Variants in NME7 observed in about 807,000 individuals in gnomAD.
NME7 encodes the protein nucleoside diphosphate kinase 7.
In NME7, 41 loss-of-function variants were observed where a neutral mutation model predicts 49.1. The ratio of observed to expected loss-of-function variants is 0.83; its 90% CI spans 0.65 to 1.08. The LOEUF is 1.08. NME7 is among the 50% of genes least tolerant of loss of function. NME7 has a pLI of 0.00. For missense variants in NME7, 423 were observed against 463.4 expected (o/e 0.91, Z 0.80); for synonymous variants, 139 against 150.6 (o/e 0.92, Z 0.56).
intron 1 of NME7, among the ~76,000 whole-genome samples, chr1:169,355,708 T>C (rs1418109709): frequency 1.3e-5 from 2 of 152,010 alleles, no homozygotes; most frequent in East Asian, 1.9e-4. Flanking sequence ...ATGTCAGCAA[T>C]GTAAGGAGGC....
chr1:169,247,157 A>G (rs1648358468), intron 7 of NME7: 1 of 450,968 alleles, frequency 2.2e-6, no homozygotes, highest in African/African-American at 2.0e-5. Flanking sequence ...ACAGTCTAAG[A>G]AAAACAAAAT....
At chr1:169,210,357 T>C (rs776365641) in intron 10 of NME7, among the ~76,000 whole-genome samples, 2 of 152,156 alleles carry the variant, frequency 1.3e-5, no homozygotes, top group Non-Finnish European at 2.9e-5. Flanking sequence ...GAAGCCTCCA[T>C]TCCAGAAATG....
rs1484177004 is a variant in NME7, at chr1:169,342,883, TATAC to T, written c.4-18387_4-18384del. On this transcript the variant is annotated intron_variant, in intron 1 of 11. Transcript: ENST00000367811. The stretch of plus-strand genomic sequence containing the variant: ...TATACAAGTACATATATATAGTATA[TATAC>T]ATATATACAAGTACATATATATAGT... Among the ~76,000 whole-genome samples the T allele has an allele frequency of 1.4e-3, 116 of 83,496 alleles. 9 individuals are homozygous for T. Among genetic ancestry groups the T allele is most frequent in the Admixed American group, 3.0e-3 (19 of 6,406 alleles). The allele number at this position is 83,496 out of a possible 152,430, so 54.8% of individuals were successfully genotyped here.
Position 169,274,179 on chromosome 1 carries a change from G to C in NME7, c.754+13124C>G, listed in dbSNP as rs370422134. ...CATTCTAACTGGTGTGAGATGGTAT[G>C]TCATTGTGGTTTTGATTTGCATTTC... is the stretch of plus-strand genomic sequence containing the variant. On this transcript the variant is annotated intron_variant, in intron 7 of 11. Coordinates refer to ENST00000367811, the MANE Select transcript of NME7 (RefSeq NM_013330.5). Among the ~76,000 whole-genome samples the C allele has an allele frequency of 1.7e-4, 22 of 132,682 alleles. 3 individuals carry two copies. Among genetic ancestry groups the C allele is most frequent in the East Asian group, 8.0e-4 (4 of 4,996 alleles). 87.0% of individuals were successfully genotyped at this position (132,682 alleles called of 152,430 possible). A position where few individuals can be genotyped will look rare whatever the true frequency, so the allele number is the denominator to read the frequency against.
At chr1:169,186,371 T>C (rs1305812196) in intron 10 of NME7, among the ~76,000 whole-genome samples, 1 of 152,160 alleles carries the variant, frequency 6.6e-6, no homozygotes, top group Non-Finnish European at 1.5e-5. Flanking sequence ...GAATGCTCTA[T>C]TGCTCTGAGG....
chr1:169,283,599 A>C (rs1345021780), intron 7 of NME7, among the ~76,000 whole-genome samples: 1 of 151,968 alleles, frequency 6.6e-6, no homozygotes, highest in East Asian at 1.9e-4. Flanking sequence ...GTTCCTTTTC[A>C]TATTTAGTGC....
intron 7 of NME7, among the ~76,000 whole-genome samples, chr1:169,242,701 A>C (rs1023146261): frequency 3.3e-5 from 5 of 151,244 alleles, no homozygotes; most frequent in African/African-American, 1.2e-4. Context: ...AAAATCTAGA[A>C]CTAATTATTT....
intron 7 of NME7, among the ~76,000 whole-genome samples, chr1:169,251,793 G>C (rs1208233972): frequency 6.8e-6 from 1 of 147,834 alleles, no homozygotes; most frequent in Non-Finnish European, 1.5e-5. Context: ...TCCCACCTAT[G>C]AGTGAGAATA....
rs1188505685 is a variant in NME7, at chr1:169,350,242, GAAA to G, written c.3+17463_3+17465del. 2.8e-3 allele frequency among the ~76,000 whole-genome samples: 174 copies of G among 62,454 alleles called. 1 individual carries two copies. Among genetic ancestry groups the G allele is most frequent in the African/African-American group, 7.4e-3 (157 of 21,178 alleles). The allele number at this position is 62,454 out of a possible 152,430, so 41.0% of individuals were successfully genotyped here. On this transcript the variant is annotated intron_variant, in intron 1 of 11. Coordinates refer to ENST00000367811, the MANE Select transcript of NME7 (RefSeq NM_013330.5). Reference sequence around the variant, plus strand: ...GGGAGAAAAGAAAGAAAGAAAGAAAGAAAGAAGGAAGGAAGGAAGGAAGGAAGG... The same window carrying G: ...GGGAGAAAAGAAAGAAAGAAAGAAAGGAAGGAAGGAAGGAAGGAAGGAAGG...
intron 4 of NME7, 199 bp from the exon 5 acceptor site, chr1:169,303,394 A>C (rs979715716): frequency 6.6e-5 from 19 of 289,334 alleles, no homozygotes; most frequent in Non-Finnish European, 6.8e-5. Context: ...AATGTAAATA[A>C]AAATTAATGT....
chr1:169,287,239 A>G, intron 7 of NME7, 64 bp downstream of exon 7: 1 of 1,263,670 alleles, frequency 7.9e-7, no homozygotes, highest in Non-Finnish European at 1.1e-6. Context: ...CATAAAGTAC[A>G]TCAAGAAAAT....
intron 1 of NME7, among the ~76,000 whole-genome samples, chr1:169,363,016 G>A (rs1653715562): frequency 6.6e-6 from 1 of 151,774 alleles, no homozygotes; most frequent in Non-Finnish European, 1.5e-5. Flanking sequence ...AAGGTGGGAG[G>A]ATCACTTGAG....
chr1:169,226,523 T>C (rs1490689210), intron 10 of NME7, among the ~76,000 whole-genome samples: 6 of 152,048 alleles, frequency 3.9e-5, no homozygotes, highest in Middle Eastern at 3.4e-3. Flanking sequence ...GTAACTACTA[T>C]AGTATTTCTT....
Position 169,163,265 on chromosome 1 carries a change from T to C in NME7, c.1098+6182A>G, listed in dbSNP as rs1316424400. 2.0e-5 allele frequency among the ~76,000 whole-genome samples: 3 copies of C among 151,430 alleles called. No homozygotes were observed. The East Asian group carries it at 5.8e-4, about 29-fold the overall frequency. Reference sequence around the variant, plus strand: ...GAGTCATAACATCACAAAGGCATCATTCATTTTCATAGACAAGGGGGAGCC... The same window carrying C: ...GAGTCATAACATCACAAAGGCATCACTCATTTTCATAGACAAGGGGGAGCC... On this transcript the variant is annotated intron_variant, in intron 11 of 11. Transcript: ENST00000367811.
At chr1:169,264,386 C>A (rs1649254142) in intron 7 of NME7, among the ~76,000 whole-genome samples, 1 of 133,516 alleles carries the variant, frequency 7.5e-6, no homozygotes. Context: ...AGGCTCAAAA[C>A]AGAAATAGAG....
Position 169,155,024 on chromosome 1 carries a change from G to A in NME7, c.1098+14423C>T, listed in dbSNP as rs147065574. The stretch of plus-strand genomic sequence containing the variant: ...AGGGTCTTGCTGTGTTGTCCAGGCT[G>A]GTCTTGAACTCCTTGGCTCAAGCAA... On this transcript the variant is annotated intron_variant, in intron 11 of 11. Transcript: ENST00000367811. 1.8e-3 allele frequency among the ~76,000 whole-genome samples: 279 copies of A among 151,944 alleles called. 2 individuals carry two copies. Among genetic ancestry groups the A allele is most frequent in the African/African-American group, 6.4e-3 (267 of 41,454 alleles).
intron 11 of NME7, among the ~76,000 whole-genome samples, chr1:169,161,049 T>C (rs12143965): frequency 0.39 from 59,890 of 152,036 alleles, 12,138 homozygotes; most frequent in East Asian, 0.73. Context: ...CTGTTCTCTA[T>C]ACTGCAGCCA....
At chr1:169,247,488 ATTTT>A (rs1219113679) in intron 7 of NME7, among the ~76,000 whole-genome samples, 1 of 152,054 alleles carries the variant, frequency 6.6e-6, no homozygotes, top group African/African-American at 2.4e-5. Context: ...AGTTTTTAAA[ATTTT>A]TTTATTTCAA....
intron 10 of NME7, among the ~76,000 whole-genome samples, chr1:169,223,344 A>G (rs1314705609): frequency 6.6e-6 from 1 of 151,998 alleles, no homozygotes; most frequent in Non-Finnish European, 1.5e-5. Context: ...TATTAACTAT[A>G]ATGTTAAGGG....
Sources: allele counts gnomAD v4.1 joint callset (sites outside exome capture counted in the v4.1 genomes callset), GRCh38; gene constraint gnomAD v4.1.1; transcripts MANE v1.5; gene names NCBI Gene and HGNC (gene_info 2026-07-23, HGNC 2026-07-21).